PTPN21: variants seen among roughly 807,000 people sequenced by gnomAD.
The protein encoded by PTPN21 is protein tyrosine phosphatase non-receptor type 21.
PTPN21 carries 77 observed loss-of-function variants against 131.8 expected under a neutral mutation model. That is an observed-to-expected ratio of 0.58 (90% CI 0.49 to 0.71). The LOEUF is 0.71. Ranked by LOEUF, PTPN21 falls within the 30% of genes least tolerant of loss-of-function variation. The probability of loss-of-function intolerance (pLI) is 0.00; values close to 1 mark genes in which losing one functional copy is unlikely to be tolerated. For synonymous variants in PTPN21, 715 were observed against 621.3 expected, an observed-to-expected ratio of 1.15 and a Z score of -2.24; for missense variants, 1,552 against 1,527.1, an observed-to-expected ratio of 1.02 and a Z score of -0.27.
intron 8 of PTPN21, among the ~76,000 whole-genome samples, chr14:88,498,616 G>C (rs971974061): frequency 6.6e-6 from 1 of 152,186 alleles, no homozygotes; most frequent in African/African-American, 2.4e-5. Context: ...GAGGGGAAAG[G>C]TGGGAGAAAG....
chr14:88,550,387 G>A lies in PTPN21; in HGVS notation c.31C>T (p.Arg11Cys). ...CTGGACACCGTGTAGCGCCGGGTGC[G>A]TTTCAGTTTCAACCCAAATGGCAGT... MPLPFGLKLKRTRRYTVSSKS... is the reference protein window; with the variant it reads MPLPFGLKLKCTRRYTVSSKS... Residue 11 changes from arginine (R) to cysteine (C), a missense_variant, in exon 2 of 19, where the codon CGC becomes TGC. Around this residue, in one of 4 missense-constraint regions of PTPN21, gnomAD observed 206 missense variants for 221.6 expected, o/e 0.93. Coordinates refer to ENST00000556564, the MANE Select transcript of PTPN21 (RefSeq NM_007039.4). 6.2e-7 allele frequency: 1 copy of A among 1,613,970 alleles called. No homozygotes were observed. The highest frequency in any genetic ancestry group is 1.7e-5 in the Admixed American group (1 of 59,974).
chr14:88,471,655 A>C (rs1032657996), intron 15 of PTPN21, among the ~76,000 whole-genome samples: 4 of 152,198 alleles, frequency 2.6e-5, no homozygotes, highest in Admixed American at 1.3e-4. Context: ...AACAGATGGC[A>C]CCTTGGTAAG....
Position 88,516,985 on chromosome 14 carries a change from G to T in PTPN21, c.350+107C>A, listed in dbSNP as rs929019802. 2.4e-6 allele frequency: 3 copies of T among 1,273,656 alleles called. No homozygotes were observed. The African/African-American group carries it at 4.5e-5, about 19-fold the overall frequency. 78.9% of individuals were successfully genotyped at this position (1,273,656 alleles called of 1,614,324 possible). A position where few individuals can be genotyped will look rare whatever the true frequency, so the allele number is the denominator to read the frequency against. The stretch of plus-strand genomic sequence containing the variant: ...TTGTAACACCGTGGCTAAAAATGTG[G>T]GGCGAGAGGGCAAAGTTTCAAACTT... On this transcript the variant is annotated intron_variant, in intron 3 of 18. Transcript: ENST00000556564.
chr14:88,518,270 A>G, intron 2 of PTPN21, among the ~76,000 whole-genome samples: 1 of 86,246 alleles, frequency 1.2e-5, no homozygotes, highest in Non-Finnish European at 2.3e-5. Context: ...ATATATATAT[A>G]TATACACACA....
intron 11 of PTPN21, 121 bp downstream of exon 11, chr14:88,485,661 A>C (rs942025301): frequency 9.6e-6 from 6 of 625,894 alleles, no homozygotes. Flanking sequence ...TTGGTTAAAA[A>C]TGATGAAATA....
Position 88,469,792 on chromosome 14 carries a change from A to G in PTPN21, c.3001-59T>C, listed in dbSNP as rs2077429494. Reference sequence around the variant, plus strand: ...ATCCGGCAATGGATGCCTTTCTCACATAGACGGCACATCTGAAACAGAACC... The same window carrying G: ...ATCCGGCAATGGATGCCTTTCTCACGTAGACGGCACATCTGAAACAGAACC... On this transcript the variant is annotated intron_variant, in intron 16 of 18. Coordinates refer to ENST00000556564, the MANE Select transcript of PTPN21 (RefSeq NM_007039.4). The surrounding 1 kb of genome is among the most constrained non-coding windows in gnomAD (Gnocchi z 4.3). 1.3e-6 allele frequency: 2 copies of G among 1,598,540 alleles called. No individual in the cohort carries two copies. Among genetic ancestry groups the G allele is most frequent in the Non-Finnish European group, 1.7e-6 (2 of 1,165,996 alleles).
chr14:88,479,084 C>T lies in PTPN21; in HGVS notation c.2347G>A (p.Ala783Thr), dbSNP rs749051876. 1 of 1,590,922 alleles carries T rather than the reference C, an allele frequency of 6.3e-7. No individual in the cohort carries two copies. The highest frequency in any genetic ancestry group is 2.3e-5 in the East Asian group (1 of 44,212). The change falls in exon 13 of 19, where the codon GCC becomes ACC. Residue 783 changes from alanine (A) to threonine (T), a missense_variant. Physicochemically the swap from Ala to Thr is moderately conservative, Grantham distance 58 (BLOSUM62 0). Around this residue, in one of 4 missense-constraint regions of PTPN21, gnomAD observed 1,016 missense variants for 883.5 expected, o/e 1.15. Coordinates refer to ENST00000556564, the MANE Select transcript of PTPN21 (RefSeq NM_007039.4). ...DSSPVRTTAEAQRPWRDGLLM... is the reference protein window; with the variant it reads ...DSSPVRTTAETQRPWRDGLLM... Reference sequence around the variant, plus strand: ...AGCCCGTCTCTCCAGGGCCGCTGGGCCTCTGCGGTCGTGCGGACGGGGCTG... The same window carrying T: ...AGCCCGTCTCTCCAGGGCCGCTGGGTCTCTGCGGTCGTGCGGACGGGGCTG...
In PTPN21 at chr14:88,479,592, C is replaced by T. The variant is rs1394488808; in HGVS notation, c.1839G>A (p.Val613=). 1 of 1,589,454 alleles carries T rather than the reference C, an allele frequency of 6.3e-7. No individual in the cohort carries two copies. Among genetic ancestry groups the T allele is most frequent in the African/African-American group, 1.3e-5 (1 of 74,586 alleles). Residue 613 remains valine (V), a synonymous_variant, in exon 13 of 19, where the codon GTG becomes GTA. Coordinates refer to ENST00000556564, the MANE Select transcript of PTPN21 (RefSeq NM_007039.4). ...VQTFQEDSLP[V]AHSLQEVSEP... ...CGCTGACCTCCTGCAGCGAGTGCGC[C>T]ACGGGCAGGCTGTCCTCCTGGAACG...
At chr14:88,532,611 T>C (rs773056567) in intron 2 of PTPN21, among the ~76,000 whole-genome samples, 1 of 152,178 alleles carries the variant, frequency 6.6e-6, no homozygotes, top group Non-Finnish European at 1.5e-5. Context: ...ATCTCTTTTA[T>C]GGATTTTTTT....
intron 4 of PTPN21, among the ~76,000 whole-genome samples, chr14:88,506,792 G>A (rs544570740): frequency 2.0e-5 from 3 of 151,972 alleles, no homozygotes; most frequent in African/African-American, 4.8e-5. Flanking sequence ...CTATAATCCC[G>A]GCACTTTGGA....
At chr14:88,526,801 C>T (rs1042481191) in intron 2 of PTPN21, among the ~76,000 whole-genome samples, 3 of 152,052 alleles carry the variant, frequency 2.0e-5, no homozygotes, top group Admixed American at 6.6e-5. Flanking sequence ...TTATCATTCA[C>T]CCCATTCCCA....
At chr14:88,533,489 A>G (rs902311156) in intron 2 of PTPN21, among the ~76,000 whole-genome samples, 5 of 152,236 alleles carry the variant, frequency 3.3e-5, no homozygotes, top group African/African-American at 4.8e-5. Context: ...AGCACATACA[A>G]CTATGTACAG....
intron 2 of PTPN21, among the ~76,000 whole-genome samples, chr14:88,532,756 C>T (rs1814365): frequency 0.94 from 142,445 of 152,244 alleles, 67,173 homozygotes; most frequent in Non-Finnish European, 1. Flanking sequence ...TGATGGGCAA[C>T]ATTCTTTTTA....
intron 12 of PTPN21, among the ~76,000 whole-genome samples, chr14:88,482,934 G>T (rs2077674156): frequency 6.6e-6 from 1 of 151,724 alleles, no homozygotes; most frequent in South Asian, 2.1e-4. Context: ...GTGAGAAAGG[G>T]CTGGGCACAG....
At position 88,485,826 on chromosome 14, in the gene PTPN21, T is replaced by C; in HGVS notation, c.949A>G (p.Thr317Ala). 6.2e-7 allele frequency: 1 copy of C among 1,607,866 alleles called. No homozygotes were observed. Among genetic ancestry groups the C allele is most frequent in the Non-Finnish European group, 8.5e-7 (1 of 1,174,904 alleles). Residue 317 changes from threonine to alanine, a missense_variant, in exon 11 of 19, where the codon ACA becomes GCA. Physicochemically the swap from Thr to Ala is moderately conservative, Grantham distance 58 (BLOSUM62 0). Transcript: ENST00000556564. ...GACCTCCTCCTGATTGGGTTCACTGTGACAGTCTGAGTTTGCCTATAAAAT... is the reference window on the plus strand; with the variant it reads ...GACCTCCTCCTGATTGGGTTCACTGCGACAGTCTGAGTTTGCCTATAAAAT... ...NQCNLQTQTV[T>A]VNPIRRRSSS...
intron 13 of PTPN21, among the ~76,000 whole-genome samples, chr14:88,476,371 A>G (rs1261408524): frequency 6.6e-6 from 1 of 152,174 alleles, no homozygotes; most frequent in Non-Finnish European, 1.5e-5. Context: ...CCTCATTTTT[A>G]TCCCCCCAAC....
intron 3 of PTPN21, among the ~76,000 whole-genome samples, chr14:88,508,227 T>C (rs527299220): frequency 8.2e-4 from 125 of 151,882 alleles, no homozygotes; most frequent in Middle Eastern, 3.4e-3. Flanking sequence ...CTGCTCACTG[T>C]AGCGTCAACC....
chr14:88,468,103 T>A lies in PTPN21; in HGVS notation c.*34A>T. On this transcript the variant is annotated 3_prime_UTR_variant, in exon 19 of 19. Coordinates refer to ENST00000556564, the MANE Select transcript of PTPN21 (RefSeq NM_007039.4). Reference sequence around the variant, plus strand: ...GCTTTTTTTTTAAGCTGTAAACGCTTCACATGACTGGCCCCGTAAGAAATT... The same window carrying A: ...GCTTTTTTTTTAAGCTGTAAACGCTACACATGACTGGCCCCGTAAGAAATT... The A allele has an allele frequency of 1.2e-6, 2 of 1,611,588 alleles. No homozygotes were observed. The highest frequency in any genetic ancestry group is 1.7e-6 in the Non-Finnish European group (2 of 1,177,922).
intron 14 of PTPN21, 124 bp from the exon 15 acceptor site, chr14:88,472,589 G>A (rs2077488391): frequency 4.5e-6 from 3 of 662,438 alleles, no homozygotes; most frequent in Non-Finnish European, 7.7e-6. Context: ...AAAATTCTAG[G>A]TTGGGCACGG....
Sources: allele counts gnomAD v4.1 joint callset (sites outside exome capture counted in the v4.1 genomes callset), GRCh38; gene constraint gnomAD v4.1.1; regional missense constraint gnomAD v4.1.1; non-coding constraint Gnocchi (gnomAD v3.1); transcripts MANE v1.5; gene names NCBI Gene and HGNC (gene_info 2026-07-23, HGNC 2026-07-21).